Variants in GREB1L observed in about 807,000 individuals in gnomAD.
The protein encoded by GREB1L is GREB1-like protein.
Under a neutral mutation model 200.8 loss-of-function variants are expected in GREB1L, and 17 were observed. The ratio of observed to expected loss-of-function variants is 0.08; its 90% confidence interval spans 0.06 to 0.13. The LOEUF is 0.13. GREB1L is among the 10% of genes least tolerant of loss of function. The pLI is 1.00. For synonymous variants in GREB1L, 789 were observed against 893.0 expected (o/e 0.88, Z 2.08); for missense variants, 1,657 against 2,367.7 (o/e 0.70, Z 6.23).
chr18:21,358,660 G>GTTT (rs575017933), intron 1 of GREB1L, among the ~76,000 whole-genome samples: 177 of 152,302 alleles, frequency 1.2e-3, no homozygotes, highest in African/African-American at 3.8e-3. Context: ...ACACAAAGGT[G>GTTT]TAAGAATAAT....
intron 2 of GREB1L, among the ~76,000 whole-genome samples, chr18:21,381,135 G>A (rs1232306174): frequency 3.3e-5 from 5 of 152,108 alleles, no homozygotes; most frequent in Admixed American, 2.0e-4. Context: ...GCAGCTACTC[G>A]GGAGGCTGAG....
In GREB1L at chr18:21,500,633, A is replaced by G; in HGVS notation, c.4063A>G (p.Ile1355Val). ...LEVDVYDEEE[I>V]NTDHNESSEV... Reference sequence around the variant, plus strand: ...GGTGGACGTGTATGATGAGGAGGAGATCAACACCGGTGAGTGCTGAGCCCA... The same window carrying G: ...GGTGGACGTGTATGATGAGGAGGAGGTCAACACCGGTGAGTGCTGAGCCCA... The change falls in exon 23 of 33, where the codon ATC becomes GTC. Residue 1355 changes from isoleucine (I) to valine (V), a missense_variant. Transcript: ENST00000424526. The G allele has an allele frequency of 6.5e-7, 1 of 1,548,120 alleles. No homozygotes were observed. The highest frequency in any genetic ancestry group is 8.7e-7 in the Non-Finnish European group (1 of 1,145,182).
chr18:21,519,370 G>A (rs1458680946), intron 31 of GREB1L, among the ~76,000 whole-genome samples: 3 of 152,114 alleles, frequency 2.0e-5, no homozygotes, highest in Non-Finnish European at 2.9e-5. Context: ...GGCTGAGGTG[G>A]GAAGATCACG....
At chr18:21,513,451 A>G (rs181547767) in intron 27 of GREB1L, among the ~76,000 whole-genome samples, 82 of 152,332 alleles carry the variant, frequency 5.4e-4, no homozygotes, top group African/African-American at 1.9e-3. Flanking sequence ...TCATGCTTCA[A>G]GGAAGTAAAC....
At chr18:21,504,579 C>T (rs748214347) in intron 23 of GREB1L, among the ~76,000 whole-genome samples, 10 of 152,108 alleles carry the variant, frequency 6.6e-5, no homozygotes, top group African/African-American at 1.7e-4. Flanking sequence ...CTTACACCTG[C>T]GGTTCCAGCA....
intron 15 of GREB1L, among the ~76,000 whole-genome samples, chr18:21,470,218 C>T (rs1217652756): frequency 1.3e-5 from 2 of 152,094 alleles, no homozygotes; most frequent in Non-Finnish European, 2.9e-5. Context: ...AGCCCAGTAG[C>T]TCAAGGCCAC....
intron 1 of GREB1L, chr18:21,316,793 T>C (rs1424806746): frequency 6.8e-6 from 1 of 146,448 alleles, no homozygotes; most frequent in African/African-American, 2.6e-5. Context: ...AGACGGAGTC[T>C]TGGTCTGTCG....
Position 21,508,291 on chromosome 18 carries a change from C to T in GREB1L, c.4530+12C>T. 6.4e-7 allele frequency: 1 copy of T among 1,551,600 alleles called. No individual in the cohort carries two copies. Among genetic ancestry groups the T allele is most frequent in the Non-Finnish European group, 8.7e-7 (1 of 1,147,002 alleles). ...TGGTTTCAGACAAGGTGGGTGAGAGCATCTGGACTGGCAGGCACCAGACCT... is the reference window on the plus strand; with the variant it reads ...TGGTTTCAGACAAGGTGGGTGAGAGTATCTGGACTGGCAGGCACCAGACCT... On this transcript the variant is annotated intron_variant, in intron 26 of 32. Coordinates refer to ENST00000424526, the MANE Select transcript of GREB1L (RefSeq NM_001142966.3).
At chr18:21,441,616 T>A in intron 10 of GREB1L, 79 bp downstream of exon 10, 3 of 1,267,700 alleles carry the variant, frequency 2.4e-6, no homozygotes, top group Non-Finnish European at 3.3e-6. Flanking sequence ...TTTTTTCATG[T>A]ATTCATGAAG....
intron 3 of GREB1L, 22 bp from the exon 4 acceptor site, chr18:21,384,184 T>A (rs1381053596): frequency 1.4e-6 from 2 of 1,441,302 alleles, no homozygotes; most frequent in African/African-American, 2.8e-5. Context: ...TTAAATCTGC[T>A]GTGATTTATT....
intron 1 of GREB1L, among the ~76,000 whole-genome samples, chr18:21,301,276 A>C (rs973347517): frequency 1.3e-5 from 2 of 152,212 alleles, no homozygotes; most frequent in African/African-American, 4.8e-5. Context: ...TGTAAAACTT[A>C]ACAGGAGGAG....
At chr18:21,487,196 T>C (rs1166570970) in intron 18 of GREB1L, among the ~76,000 whole-genome samples, 1 of 152,252 alleles carries the variant, frequency 6.6e-6, no homozygotes, top group African/African-American at 2.4e-5. Flanking sequence ...CTTTTTCTGG[T>C]AACATCATTC....
intron 30 of GREB1L, among the ~76,000 whole-genome samples, chr18:21,517,601 A>G (rs2037464310): frequency 6.6e-6 from 1 of 152,228 alleles, no homozygotes; most frequent in Non-Finnish European, 1.5e-5. Context: ...CAAAACCTGT[A>G]TTACTACCCT....
intron 23 of GREB1L, among the ~76,000 whole-genome samples, chr18:21,504,143 C>T (rs756862306): frequency 2.0e-5 from 3 of 152,008 alleles, no homozygotes; most frequent in Non-Finnish European, 4.4e-5. Context: ...AGGCTGGTCT[C>T]GAATTCCTGA....
intron 1 of GREB1L, among the ~76,000 whole-genome samples, chr18:21,355,798 G>A (rs534555727): frequency 3.9e-5 from 6 of 152,192 alleles, no homozygotes; most frequent in Non-Finnish European, 8.8e-5. Flanking sequence ...ATGGTTTAAT[G>A]TGGTTCTTAC....
chr18:21,486,020 C>T (rs896473755), intron 18 of GREB1L, among the ~76,000 whole-genome samples: 1 of 152,190 alleles, frequency 6.6e-6, no homozygotes, highest in Admixed American at 6.5e-5. Context: ...TCACTGCTAT[C>T]ATCAGGAGAT....
At chr18:21,251,609 T>C (rs926660092) in intron 1 of GREB1L, among the ~76,000 whole-genome samples, 2 of 152,104 alleles carry the variant, frequency 1.3e-5, no homozygotes, top group Non-Finnish European at 2.9e-5. Context: ...GCCATAGACA[T>C]ATGATAGATT....
intron 11 of GREB1L, among the ~76,000 whole-genome samples, chr18:21,446,010 GTTTGTTTGTTTGATTA>G (rs1163127042): frequency 2.6e-5 from 4 of 151,912 alleles, no homozygotes; most frequent in Admixed American, 1.3e-4. Flanking sequence ...TTTTCAGTTT[GTTTGTTTGTTTGATTA>G]TTTGTTTGTT....
intron 19 of GREB1L, among the ~76,000 whole-genome samples, chr18:21,494,738 G>C (rs1598925360): frequency 6.6e-6 from 1 of 152,136 alleles, no homozygotes; most frequent in Non-Finnish European, 1.5e-5. Flanking sequence ...GTAGTAAAAA[G>C]TATAGGTACA....
Sources: allele counts gnomAD v4.1 joint callset (sites outside exome capture counted in the v4.1 genomes callset), GRCh38; gene constraint gnomAD v4.1.1; transcripts MANE v1.5; gene names NCBI Gene and HGNC (gene_info 2026-07-23, HGNC 2026-07-21).